The following ANKRD17 variants were observed in gnomAD, a reference collection of about 807,000 sequenced individuals.
The protein encoded by ANKRD17 is ankyrin repeat domain-containing protein 17.
In ANKRD17, 19 loss-of-function variants were observed where a neutral mutation model predicts 229.7. The observed-to-expected ratio is 0.08, with a 90% CI of 0.06 to 0.12. ANKRD17 has a LOEUF of 0.12. ANKRD17 is among the 10% of genes least tolerant of loss of function. The probability of loss-of-function intolerance (pLI) is 1.00; values close to 1 mark genes in which losing one functional copy is unlikely to be tolerated. For missense variants in ANKRD17, 2,176 were observed against 3,176.8 expected (o/e 0.68, Z 7.57); for synonymous variants, 1,112 against 1,146.1 (o/e 0.97, Z 0.60).
chr4:73,092,127 C>T lies in ANKRD17; in HGVS notation c.5501G>A (p.Gly1834Glu). Residue 1834 changes from glycine to glutamate, a missense_variant, in exon 29 of 34, where the codon GGA becomes GAA. Transcript: ENST00000358602. ...CAGAGCTACAGTTGTCATTTTAATT[C>T]CCATTAAGGAAGTGTTAGCAGCAGT... ...TTTAANTSLM[G>E]IKMTTVALSS... 6.2e-7 allele frequency: 1 copy of T among 1,614,038 alleles called. No individual in the cohort carries two copies. Among genetic ancestry groups the T allele is most frequent in the Non-Finnish European group, 8.5e-7 (1 of 1,180,018 alleles).
intron 1 of ANKRD17, among the ~76,000 whole-genome samples, chr4:73,236,964 G>GT (rs1244510094): frequency 6.6e-6 from 1 of 152,114 alleles, no homozygotes; most frequent in African/African-American, 2.4e-5. Context: ...GAGAAATAGT[G>GT]TAAGAAAAGA....
chr4:73,102,068 T>A (rs1400534605), intron 25 of ANKRD17, among the ~76,000 whole-genome samples: 2 of 151,822 alleles, frequency 1.3e-5, no homozygotes, highest in Non-Finnish European at 2.9e-5. Context: ...ATCCCCCCAA[T>A]CCCCAGTAGC....
chr4:73,188,754 A>G (rs1736632098), intron 1 of ANKRD17, among the ~76,000 whole-genome samples: 1 of 152,166 alleles, frequency 6.6e-6, no homozygotes, highest in Admixed American at 6.5e-5. Flanking sequence ...AAGAGGTAAA[A>G]GTTTCATTAA....
At chr4:73,252,008 G>A (rs989091709) in intron 1 of ANKRD17, among the ~76,000 whole-genome samples, 8 of 152,168 alleles carry the variant, frequency 5.3e-5, no homozygotes, top group Admixed American at 2.6e-4. Context: ...ATCCCACAGG[G>A]ATCTACTGTA....
At chr4:73,126,331 C>A (rs574647803) in intron 16 of ANKRD17, among the ~76,000 whole-genome samples, 6 of 152,064 alleles carry the variant, frequency 3.9e-5, no homozygotes, top group Admixed American at 2.0e-4. Flanking sequence ...TCACACGGAG[C>A]CAGGAATAGT....
chr4:73,234,298 C>A (rs758717115), intron 1 of ANKRD17, among the ~76,000 whole-genome samples: 2 of 152,108 alleles, frequency 1.3e-5, no homozygotes, highest in East Asian at 1.9e-4. Flanking sequence ...TCTATGCCCC[C>A]TTTTAAATGC....
chr4:73,181,040 G>A (rs923351626), intron 1 of ANKRD17, among the ~76,000 whole-genome samples: 4 of 152,154 alleles, frequency 2.6e-5, no homozygotes, highest in Non-Finnish European at 5.9e-5. Flanking sequence ...TAAAGAAGGT[G>A]AAATTTACCA....
At chr4:73,122,688 A>T (rs1726905328) in intron 18 of ANKRD17, among the ~76,000 whole-genome samples, 1 of 152,160 alleles carries the variant, frequency 6.6e-6, no homozygotes, top group Admixed American at 6.5e-5. Flanking sequence ...ATAAATGTTA[A>T]TGAATAGTGG....
chr4:73,138,456 A>G (rs952720037), intron 15 of ANKRD17, among the ~76,000 whole-genome samples: 2 of 152,238 alleles, frequency 1.3e-5, no homozygotes, highest in South Asian at 4.1e-4. Context: ...AACGTTACCT[A>G]AATATCTAAA....
At chr4:73,138,731 C>G (rs1729226244) in intron 15 of ANKRD17, among the ~76,000 whole-genome samples, 1 of 151,966 alleles carries the variant, frequency 6.6e-6, no homozygotes, top group Non-Finnish European at 1.5e-5. Context: ...GTACAGCATT[C>G]TTATGGTTCA....
intron 1 of ANKRD17, among the ~76,000 whole-genome samples, chr4:73,241,900 G>T (rs1005063362): frequency 6.6e-6 from 1 of 151,836 alleles, no homozygotes; most frequent in Non-Finnish European, 1.5e-5. Flanking sequence ...CATACTGAAG[G>T]GGCAGAAAAA....
At chr4:73,158,152 A>AAGAAAGAAAGAAAGAAAGAAAG (rs1553925348) in intron 3 of ANKRD17, among the ~76,000 whole-genome samples, 2 of 128,806 alleles carry the variant, frequency 1.6e-5, no homozygotes, top group South Asian at 2.8e-4. Flanking sequence ...GAAAGGAAGA[A>AAGAAAGAAAGAAAGAAAGAAAG]AAAGAAAGAA....
chr4:73,135,504 T>C (rs1728780883), intron 15 of ANKRD17, among the ~76,000 whole-genome samples: 1 of 152,172 alleles, frequency 6.6e-6, no homozygotes, highest in South Asian at 2.1e-4. Context: ...TCCCCTGTTA[T>C]AAGCAGTCGT....
chr4:73,256,583 A>G (rs1745471968), intron 1 of ANKRD17, among the ~76,000 whole-genome samples: 1 of 152,158 alleles, frequency 6.6e-6, no homozygotes, highest in Non-Finnish European at 1.5e-5. Context: ...CACCACAACC[A>G]CTTTCCTCTA....
chr4:73,173,331 C>G (rs1432870384), intron 2 of ANKRD17, among the ~76,000 whole-genome samples: 2 of 152,008 alleles, frequency 1.3e-5, no homozygotes, highest in Non-Finnish European at 2.9e-5. Flanking sequence ...AGATAGAACC[C>G]CAATATAAAA....
intron 3 of ANKRD17, 138 bp downstream of exon 3, chr4:73,161,054 A>T: frequency 9.1e-7 from 1 of 1,104,968 alleles, no homozygotes; most frequent in East Asian, 2.6e-5. Context: ...AGTTTTTGTG[A>T]ATCTAAATAA....
At chr4:73,206,110 A>G (rs903261813) in intron 1 of ANKRD17, among the ~76,000 whole-genome samples, 17 of 152,240 alleles carry the variant, frequency 1.1e-4, no homozygotes, top group Non-Finnish European at 2.1e-4. Context: ...TGTGGAGAAA[A>G]GGAAACACCT....
intron 16 of ANKRD17, among the ~76,000 whole-genome samples, chr4:73,127,909 A>C (rs1248430811): frequency 6.6e-6 from 1 of 152,214 alleles, no homozygotes; most frequent in Non-Finnish European, 1.5e-5. Flanking sequence ...AATCAGTAAG[A>C]GTTAAGAAAA....
chr4:73,155,623 G>C lies in ANKRD17; in HGVS notation c.1000+8C>G, dbSNP rs2148886753. 1 of 1,613,490 alleles carries C rather than the reference G, an allele frequency of 6.2e-7. No homozygotes were observed. Among genetic ancestry groups the C allele is most frequent in the East Asian group, 2.2e-5 (1 of 44,846 alleles). ...ATGTAGTAAAACTGAAAAAGAAATA[G>C]GCATGACCTGTTGAAGACTGTGCAT... is the stretch of plus-strand genomic sequence containing the variant. On this transcript the variant is annotated splice_region_variant and intron_variant, in intron 5 of 33. Coordinates refer to ENST00000358602, the MANE Select transcript of ANKRD17 (RefSeq NM_032217.5).
Sources: allele counts gnomAD v4.1 joint callset (sites outside exome capture counted in the v4.1 genomes callset), GRCh38; gene constraint gnomAD v4.1.1; transcripts MANE v1.5; gene names NCBI Gene and HGNC (gene_info 2026-07-23, HGNC 2026-07-21).